Variants in DIP2C observed in about 807,000 individuals in gnomAD.
DIP2C encodes the protein disco-interacting protein 2 homolog C.
A neutral mutation model predicts 192.4 loss-of-function variants in DIP2C; 33 were observed. That is an observed-to-expected ratio of 0.17 (90% CI 0.13 to 0.23). DIP2C has a LOEUF of 0.23. Among genes scored for constraint, DIP2C ranks in the 10% least tolerant of loss-of-function variants. DIP2C has a pLI of 1.00. For synonymous variants in DIP2C, 979 were observed against 864.1 expected (o/e 1.13, Z -2.33); for missense variants, 1,537 against 2,110.1 (o/e 0.73, Z 5.32).
In DIP2C at chr10:276,367, G is replaced by C. The variant is rs1170466979; in HGVS notation, c.*958C>G. ...CTGCGACTGCTGGCAACAGCAGAGT[G>C]TATGTGAGTACGGGGGGCACACCAT... is the stretch of plus-strand genomic sequence containing the variant. On this transcript the variant is annotated 3_prime_UTR_variant, in exon 37 of 37. Transcript: ENST00000280886. 6.6e-6 allele frequency: 1 copy of C among 152,660 alleles called. No individual in the cohort carries two copies. The highest frequency in any genetic ancestry group is 2.4e-5 in the African/African-American group (1 of 41,458). The allele number at this position is 152,660 out of a possible 1,614,324, so 9.5% of individuals were successfully genotyped here.
At chr10:285,249 G>A (rs749866307) in intron 34 of DIP2C, among the ~76,000 whole-genome samples, 5 of 152,108 alleles carry the variant, frequency 3.3e-5, no homozygotes, top group Middle Eastern at 3.4e-3. Context: ...GTTCACCCAC[G>A]TGCGTGTAGA....
chr10:658,466 C>A (rs1421554295), intron 1 of DIP2C, among the ~76,000 whole-genome samples: 1 of 152,252 alleles, frequency 6.6e-6, no homozygotes, highest in African/African-American at 2.4e-5. Context: ...AAAGTACAAT[C>A]CATCTGAGAG....
At chr10:466,747 A>AAAG (rs1449998103) in intron 3 of DIP2C, among the ~76,000 whole-genome samples, 15 of 151,854 alleles carry the variant, frequency 9.9e-5, no homozygotes, top group Admixed American at 4.0e-4. Flanking sequence ...ACACTTCTCA[A>AAAG]AAGACATTTA....
chr10:321,013 T>TGAAGCA (rs10524353), intron 31 of DIP2C, among the ~76,000 whole-genome samples: 87,466 of 151,266 alleles, frequency 0.58, 26,141 homozygotes, highest in East Asian at 0.76. Flanking sequence ...GTCCGGGTTA[T>TGAAGCA]GAAGCAGGAA....
chr10:336,578 C>T (rs1957777630), intron 29 of DIP2C, among the ~76,000 whole-genome samples: 1 of 152,208 alleles, frequency 6.6e-6, no homozygotes, highest in Admixed American at 6.5e-5. Flanking sequence ...ACCATGATGA[C>T]AAACAACTGT....
At chr10:613,586 ACT>A (rs1356983874) in intron 1 of DIP2C, among the ~76,000 whole-genome samples, 1 of 152,192 alleles carries the variant, frequency 6.6e-6, no homozygotes, top group Non-Finnish European at 1.5e-5. Flanking sequence ...AATAATTGTC[ACT>A]GTTTCTAATT....
At chr10:668,596 C>T (rs114276695) in intron 1 of DIP2C, 5,074 of 152,112 alleles carry the variant, frequency 0.033, 172 homozygotes, top group African/African-American at 0.083. Flanking sequence ...CAACTCAACA[C>T]AACATGCACA....
chr10:611,307 T>G (rs948326695), intron 1 of DIP2C, among the ~76,000 whole-genome samples: 2 of 152,190 alleles, frequency 1.3e-5, no homozygotes, highest in African/African-American at 2.4e-5. Flanking sequence ...CAGAACAGTA[T>G]GCCGATTAAA....
intron 18 of DIP2C, among the ~76,000 whole-genome samples, chr10:368,663 G>A (rs1340026631): frequency 3.3e-5 from 5 of 152,242 alleles, no homozygotes; most frequent in African/African-American, 4.8e-5. Flanking sequence ...TCCATGGGGC[G>A]AGGGTCCCTG....
At chr10:332,361 T>C (rs888630249) in intron 29 of DIP2C, among the ~76,000 whole-genome samples, 1 of 152,256 alleles carries the variant, frequency 6.6e-6, no homozygotes, top group Non-Finnish European at 1.5e-5. Context: ...TCAAATATAC[T>C]TGTGAAAACT....
intron 4 of DIP2C, 76 bp from the exon 5 acceptor site, chr10:423,109 C>CA: frequency 2.2e-6 from 3 of 1,367,102 alleles, no homozygotes; most frequent in Non-Finnish European, 3.0e-6. Flanking sequence ...TCGCCAAACA[C>CA]AGATTTACTT....
chr10:506,169 C>A (rs1286362143), intron 1 of DIP2C, among the ~76,000 whole-genome samples: 1 of 152,190 alleles, frequency 6.6e-6, no homozygotes, highest in Admixed American at 6.5e-5. Flanking sequence ...TTTAAATAAC[C>A]TTGACTTGCT....
In DIP2C at chr10:390,282, G is replaced by A. The variant is rs1043785406; in HGVS notation, c.1476C>T (p.Asn492=). 1.6e-5 allele frequency: 26 copies of A among 1,613,818 alleles called. No homozygotes were observed. The highest frequency in any genetic ancestry group is 3.3e-5 in the Admixed American group (2 of 59,974). Residue 492 remains asparagine, a synonymous_variant, in exon 12 of 37, where the codon AAC becomes AAT. Transcript: ENST00000280886. ...DWFPHIKDAN[N]DTAYIEYKTC... ...GACTCACCTCAATATACGCAGTGTC[G>A]TTATTGGCATCTTTAATGTGTGGGA...
At chr10:453,855 G>A (rs779738210) in intron 3 of DIP2C, among the ~76,000 whole-genome samples, 3 of 152,184 alleles carry the variant, frequency 2.0e-5, no homozygotes, top group African/African-American at 4.8e-5. Context: ...CAAAGCTGTC[G>A]GAGCTGGGGG....
At chr10:523,982 G>A (rs1385131495) in intron 1 of DIP2C, among the ~76,000 whole-genome samples, 1 of 152,216 alleles carries the variant, frequency 6.6e-6, no homozygotes, top group Admixed American at 6.5e-5. Flanking sequence ...GCTGGCTGTG[G>A]GGTCAGCAAA....
chr10:672,168 G>A (rs1564330594), intron 1 of DIP2C, among the ~76,000 whole-genome samples: 1 of 150,764 alleles, frequency 6.6e-6, no homozygotes, highest in East Asian at 2.0e-4. Flanking sequence ...CAGACGCATG[G>A]ACGGAGGAAA....
At chr10:672,059 A>G (rs113417571) in intron 1 of DIP2C, among the ~76,000 whole-genome samples, 127 of 126,942 alleles carry the variant, frequency 1.0e-3, no homozygotes, top group African/African-American at 3.8e-3. Context: ...ACAGACACAC[A>G]GACGGAGGAA....
At chr10:522,625 T>C (rs576106735) in intron 1 of DIP2C, among the ~76,000 whole-genome samples, 144 of 152,372 alleles carry the variant, frequency 9.5e-4, no homozygotes, top group Middle Eastern at 3.4e-3. Context: ...CCCTACGACA[T>C]AAGACACGGA....
intron 1 of DIP2C, among the ~76,000 whole-genome samples, chr10:561,394 G>A (rs1382353339): frequency 6.6e-6 from 1 of 152,162 alleles, no homozygotes; most frequent in Non-Finnish European, 1.5e-5. Flanking sequence ...AACCCCTGAA[G>A]CAGCAGCTCT....
Sources: gnomAD v4.1 joint callset for allele counts (sites outside exome capture counted in the v4.1 genomes callset) on GRCh38, gnomAD v4.1.1 for gene constraint, MANE v1.5 for transcripts, NCBI Gene and HGNC (gene_info 2026-07-23, HGNC 2026-07-21) for gene names.